Variants in FAM135B observed in about 807,000 individuals in gnomAD.
The protein encoded by FAM135B is family with sequence similarity 135 member B.
FAM135B carries 43 observed loss-of-function variants against 127.7 expected under a neutral mutation model. The ratio of observed to expected loss-of-function variants is 0.34; its 90% confidence interval spans 0.26 to 0.43. The LOEUF (loss-of-function observed/expected upper bound fraction) is 0.43. Ranked by LOEUF, FAM135B falls within the 20% of genes least tolerant of loss-of-function variation. The pLI, the probability that FAM135B is intolerant of heterozygous loss-of-function variation, is 1.00. For synonymous variants in FAM135B, 670 were observed against 665.1 expected (o/e 1.01, Z -0.11); for missense variants, 1,558 against 1,725.6 (o/e 0.90, Z 1.72).
intron 2 of FAM135B, among the ~76,000 whole-genome samples, chr8:138,334,090 T>C (rs1200867052): frequency 6.6e-6 from 1 of 152,138 alleles, no homozygotes; most frequent in Non-Finnish European, 1.5e-5. Flanking sequence ...GCCCAGATAA[T>C]TTCTGTATTT....
chr8:138,299,104 T>TA lies in FAM135B; in HGVS notation c.157+11736dup, dbSNP rs1554658631. Among the ~76,000 whole-genome samples, 67 of 143,726 alleles carry TA rather than the reference T, an allele frequency of 4.7e-4. 1 individual carries two copies. Among genetic ancestry groups the TA allele is most frequent in the Admixed American group, 1.3e-3 (19 of 14,438 alleles). 94.3% of individuals were successfully genotyped at this position (143,726 alleles called of 152,430 possible). A position where few individuals can be genotyped will look rare whatever the true frequency, so the allele number is the denominator to read the frequency against. Reference sequence around the variant, plus strand: ...ATAAATAAATAAATAAATAAATAAATAAATAAAATAAAAATAAAAAATAAA... The same window carrying TA: ...ATAAATAAATAAATAAATAAATAAATAAAATAAAATAAAAATAAAAAATAAA... On this transcript the variant is annotated intron_variant, in intron 3 of 19. Transcript: ENST00000395297.
chr8:138,340,298 G>T (rs1320641436), intron 2 of FAM135B, among the ~76,000 whole-genome samples: 1 of 152,244 alleles, frequency 6.6e-6, no homozygotes, highest in South Asian at 2.1e-4. Context: ...CAGAAAGAAA[G>T]AAAGAAATAG....
chr8:138,347,098 CA>C (rs1246731649), intron 2 of FAM135B, among the ~76,000 whole-genome samples: 2 of 139,050 alleles, frequency 1.4e-5, no homozygotes, highest in Non-Finnish European at 3.0e-5. Flanking sequence ...GAGGAATGAA[CA>C]AAAGGAAGAA....
chr8:138,151,823 G>T lies in FAM135B; in HGVS notation c.2652C>A (p.Arg884=), dbSNP rs112196595. Reference sequence around the variant, plus strand: ...TCCTGGGGTTTTCAAGTGCTATGACGCGTGGTATTTTTAAATTAAGACCTT... The same window carrying T: ...TCCTGGGGTTTTCAAGTGCTATGACTCGTGGTATTTTTAAATTAAGACCTT... ...ETKGLNLKIP[R]VIALENPRTR... Residue 884 remains arginine (R), a synonymous_variant, in exon 13 of 20, where the codon CGC becomes CGA. Transcript: ENST00000395297. 1 of 1,614,078 alleles carries T rather than the reference G, an allele frequency of 6.2e-7. No homozygotes were observed.
intron 1 of FAM135B, among the ~76,000 whole-genome samples, chr8:138,451,770 C>A (rs960087609): frequency 9.9e-5 from 15 of 152,152 alleles, no homozygotes. Flanking sequence ...CACCCAGGGT[C>A]CCCAACAGTG....
At chr8:138,172,185 G>A (rs1330253514) in intron 11 of FAM135B, among the ~76,000 whole-genome samples, 1 of 152,194 alleles carries the variant, frequency 6.6e-6, no homozygotes, top group Non-Finnish European at 1.5e-5. Flanking sequence ...GTTGGAGTTG[G>A]AGTTGAGTTT....
At chr8:138,484,346 G>T (rs1028912625) in intron 1 of FAM135B, among the ~76,000 whole-genome samples, 1 of 152,154 alleles carries the variant, frequency 6.6e-6, no homozygotes, top group African/African-American at 2.4e-5. Flanking sequence ...TATTGGCTGA[G>T]AGGGAAATGG....
At chr8:138,240,278 A>T (rs1374839956) in intron 7 of FAM135B, among the ~76,000 whole-genome samples, 1 of 152,214 alleles carries the variant, frequency 6.6e-6, no homozygotes, top group Non-Finnish European at 1.5e-5. Context: ...CGAGATAGAA[A>T]TTTGGCTGGG....
intron 7 of FAM135B, among the ~76,000 whole-genome samples, chr8:138,203,884 G>A (rs1817353015): frequency 6.6e-6 from 1 of 152,310 alleles, no homozygotes; most frequent in East Asian, 1.9e-4. Flanking sequence ...GACAGTGACA[G>A]ATCATCAGGT....
At chr8:138,287,769 C>T (rs2130780005) in intron 3 of FAM135B, among the ~76,000 whole-genome samples, 1 of 152,184 alleles carries the variant, frequency 6.6e-6, no homozygotes, top group East Asian at 1.9e-4. Flanking sequence ...TTGTGAGTAA[C>T]ACAAGCTGGC....
chr8:138,259,043 A>G (rs1822338711), intron 4 of FAM135B, among the ~76,000 whole-genome samples: 2 of 152,240 alleles, frequency 1.3e-5, no homozygotes, highest in African/African-American at 2.4e-5. Context: ...GGATAAAACT[A>G]TGAGTTAGGA....
chr8:138,145,905 T>C (rs2130655294), intron 15 of FAM135B, 54 bp downstream of exon 15: 1 of 905,478 alleles, frequency 1.1e-6, no homozygotes, highest in African/African-American at 1.6e-5. Flanking sequence ...TTTAGGAGGC[T>C]CATATAAGCA....
At chr8:138,361,082 T>A (rs1830391373) in intron 2 of FAM135B, among the ~76,000 whole-genome samples, 1 of 152,116 alleles carries the variant, frequency 6.6e-6, no homozygotes, top group African/African-American at 2.4e-5. Context: ...CATGCCACCA[T>A]GTCCAGCTAA....
chr8:138,257,899 AAACAAAAC>A (rs1822225788), intron 4 of FAM135B, among the ~76,000 whole-genome samples: 1 of 98,332 alleles, frequency 1.0e-5, no homozygotes, highest in South Asian at 3.2e-4. Flanking sequence ...AAAAAAAATA[AAACAAAAC>A]AAAACAAAAC....
intron 12 of FAM135B, among the ~76,000 whole-genome samples, chr8:138,156,511 G>GT (rs71316325): frequency 6.6e-6 from 1 of 151,694 alleles, no homozygotes; most frequent in Non-Finnish European, 1.5e-5. Context: ...TCCAGGAGTT[G>GT]TTTTTTTGAA....
chr8:138,481,290 G>A lies in FAM135B; in HGVS notation c.-20+15381C>T, dbSNP rs141773966. ...TCAGTCAATCATCCAGGCCACCTAG[G>A]ACAAAAATAGTCTTGTTATCTCCAT... is the stretch of plus-strand genomic sequence containing the variant. On this transcript the variant is annotated intron_variant, in intron 1 of 19. Transcript: ENST00000395297. Among the ~76,000 whole-genome samples the A allele has an allele frequency of 4.2e-3, 646 of 152,286 alleles. 4 individuals are homozygous for A. The highest frequency in any genetic ancestry group is 0.015 in the African/African-American group (631 of 41,558).
chr8:138,342,254 G>A lies in FAM135B; in HGVS notation c.77+25653C>T, dbSNP rs556675682. On this transcript the variant is annotated intron_variant, in intron 2 of 19. Coordinates refer to ENST00000395297, the MANE Select transcript of FAM135B (RefSeq NM_015912.4). ...ATTCAATTCTAGAGCACTCTCAAGG[G>A]AGTAATCCAGGCATGAGTGACAGAT... 2.6e-5 allele frequency among the ~76,000 whole-genome samples: 4 copies of A among 152,296 alleles called. No individual in the cohort carries two copies. The East Asian group carries it at 7.7e-4, about 29-fold the overall frequency.
intron 2 of FAM135B, among the ~76,000 whole-genome samples, chr8:138,323,663 T>C (rs150849143): frequency 6.6e-6 from 1 of 152,350 alleles, no homozygotes; most frequent in East Asian, 1.9e-4. Flanking sequence ...GGGTAAGTTA[T>C]ATGCTTGATT....
intron 7 of FAM135B, among the ~76,000 whole-genome samples, chr8:138,236,824 G>A (rs960437861): frequency 1.3e-5 from 2 of 152,196 alleles, no homozygotes; most frequent in African/African-American, 4.8e-5. Flanking sequence ...GTACAACATG[G>A]TGAATGGATC....
Sources: gnomAD v4.1 joint callset for allele counts (sites outside exome capture counted in the v4.1 genomes callset) on GRCh38, gnomAD v4.1.1 for gene constraint, MANE v1.5 for transcripts, NCBI Gene and HGNC (gene_info 2026-07-23, HGNC 2026-07-21) for gene names.